The following OPCML variants were observed in gnomAD, a reference collection of about 807,000 sequenced individuals.
The protein encoded by OPCML is opioid binding protein/cell adhesion molecule like.
A neutral mutation model predicts 37.8 loss-of-function variants in OPCML; 13 were observed. The ratio of observed to expected loss-of-function variants is 0.34; its 90% confidence interval spans 0.22 to 0.55. The LOEUF (loss-of-function observed/expected upper bound fraction) is 0.55, where lower values mean the gene tolerates loss of function less well. Ranked by LOEUF, OPCML falls within the 20% of genes least tolerant of loss-of-function variation. The pLI is 0.91. For synonymous variants in OPCML, 176 were observed against 168.8 expected, an observed-to-expected ratio of 1.04 and a Z score of -0.33; for missense variants, 341 against 435.6, an observed-to-expected ratio of 0.78 and a Z score of 1.93.
chr11:133,158,823 A>G (rs1018321205), intron 1 of OPCML, among the ~76,000 whole-genome samples: 1 of 152,190 alleles, frequency 6.6e-6, no homozygotes, highest in Non-Finnish European at 1.5e-5. Flanking sequence ...GAAATCCTGA[A>G]GAACCCCTCT....
chr11:133,141,219 A>G (rs984733991), intron 1 of OPCML, among the ~76,000 whole-genome samples: 3 of 151,932 alleles, frequency 2.0e-5, no homozygotes, highest in Non-Finnish European at 4.4e-5. Context: ...CGTGGTCTCC[A>G]TTCCAAGCCG....
Position 133,212,669 on chromosome 11 carries a change from C to T in OPCML, c.62-269659G>A, listed in dbSNP as rs1402120696. Among the ~76,000 whole-genome samples, 1 of 152,192 alleles carries T rather than the reference C, an allele frequency of 6.6e-6. No individual in the cohort carries two copies. The highest frequency in any genetic ancestry group is 1.9e-4 in the East Asian group (1 of 5,196). On this transcript the variant is annotated intron_variant, in intron 1 of 7. Transcript: ENST00000524381. The surrounding 1 kb of genome is among the most constrained non-coding windows in gnomAD (Gnocchi z 4.9). ...TTCTCACTGTGACTGTTGTTATTGT[C>T]TGTCCTCTGCTAGAACAGAGGCTCC...
intron 3 of OPCML, among the ~76,000 whole-genome samples, chr11:132,559,519 G>A (rs1050508819): frequency 6.6e-6 from 1 of 152,100 alleles, no homozygotes; most frequent in African/African-American, 2.4e-5. Flanking sequence ...TGCCGCTGGG[G>A]GGCATTCTGC....
intron 1 of OPCML, among the ~76,000 whole-genome samples, chr11:133,296,604 T>C (rs1366096801): frequency 6.6e-6 from 1 of 152,222 alleles, no homozygotes. Flanking sequence ...TTTGTTTTCC[T>C]GATGTCTTAT....
At chr11:132,926,176 C>T (rs778032078) in intron 2 of OPCML, among the ~76,000 whole-genome samples, 1 of 152,168 alleles carries the variant, frequency 6.6e-6, no homozygotes, top group Non-Finnish European at 1.5e-5. Context: ...GCACTCATCA[C>T]TGTGTAACAT....
chr11:133,518,227 G>C (rs116720407), intron 1 of OPCML, among the ~76,000 whole-genome samples: 2,707 of 151,906 alleles, frequency 0.018, 82 homozygotes, highest in African/African-American at 0.062. Context: ...GTGTGGGGGG[G>C]TGTGTTTGTG....
chr11:133,489,924 T>C (rs1435884855), intron 1 of OPCML, among the ~76,000 whole-genome samples: 2 of 151,846 alleles, frequency 1.3e-5, no homozygotes, highest in Non-Finnish European at 2.9e-5. Context: ...ACATCCTACA[T>C]GCACACATGC....
intron 1 of OPCML, among the ~76,000 whole-genome samples, chr11:133,044,494 TA>T (rs1947969633): frequency 6.6e-6 from 1 of 152,026 alleles, no homozygotes; most frequent in Non-Finnish European, 1.5e-5. Context: ...CACCAGTCTT[TA>T]AAAGCTCATC....
intron 1 of OPCML, among the ~76,000 whole-genome samples, chr11:133,169,725 G>A (rs1203500523): frequency 6.6e-6 from 1 of 152,176 alleles, no homozygotes; most frequent in Non-Finnish European, 1.5e-5. Flanking sequence ...TTATCCCCAA[G>A]GGAGTCTGAG....
At chr11:132,890,927 T>G (rs2136460505) in intron 2 of OPCML, among the ~76,000 whole-genome samples, 1 of 149,352 alleles carries the variant, frequency 6.7e-6, no homozygotes, top group East Asian at 2.0e-4. Context: ...AGAAACAAAG[T>G]CAGAGCTTGA....
chr11:132,670,294 G>A (rs951714222), intron 2 of OPCML, among the ~76,000 whole-genome samples: 1 of 152,154 alleles, frequency 6.6e-6, no homozygotes, highest in Non-Finnish European at 1.5e-5. Flanking sequence ...TATCGTGGGA[G>A]CAAAGACTTC....
At chr11:133,217,568 G>A (rs1455164569) in intron 1 of OPCML, among the ~76,000 whole-genome samples, 3 of 152,210 alleles carry the variant, frequency 2.0e-5, no homozygotes, top group Non-Finnish European at 2.9e-5. Flanking sequence ...GAGAGCCCAT[G>A]GAGGTGGGTA....
chr11:133,369,859 A>G (rs542066401), intron 1 of OPCML, among the ~76,000 whole-genome samples: 1 of 152,304 alleles, frequency 6.6e-6, no homozygotes, highest in East Asian at 1.9e-4. Flanking sequence ...CTTACTGGAA[A>G]TGCTTGGGAC....
intron 2 of OPCML, among the ~76,000 whole-genome samples, chr11:132,848,021 T>G (rs1309034990): frequency 6.6e-6 from 1 of 152,136 alleles, no homozygotes; most frequent in Non-Finnish European, 1.5e-5. Flanking sequence ...CCTGTGGACA[T>G]GGACAGTGAA....
At chr11:132,892,535 G>A (rs997522141) in intron 2 of OPCML, among the ~76,000 whole-genome samples, 3 of 152,300 alleles carry the variant, frequency 2.0e-5, no homozygotes, top group South Asian at 2.1e-4. Flanking sequence ...TTGGGAGGCC[G>A]AGGCGGGTGG....
At chr11:133,495,807 G>A (rs1321937109) in intron 1 of OPCML, among the ~76,000 whole-genome samples, 1 of 151,754 alleles carries the variant, frequency 6.6e-6, no homozygotes, top group East Asian at 1.9e-4. Context: ...TTAGTCCTTT[G>A]TAAGATGTAT....
chr11:132,749,359 T>C (rs1003782756), intron 2 of OPCML, among the ~76,000 whole-genome samples: 1 of 152,180 alleles, frequency 6.6e-6, no homozygotes, highest in Non-Finnish European at 1.5e-5. Context: ...ACTAGGAATT[T>C]TGGCCTAAGC....
In OPCML at chr11:132,436,240, G is replaced by A. The variant is rs1381017964; in HGVS notation, c.765-3C>T. On this transcript the variant is annotated splice_region_variant and splice_polypyrimidine_tract_variant and intron_variant, in intron 6 of 7. Transcript: ENST00000524381. ...TTCCATCCAGACCAGTGGCTAACCT[G>A]CAAGAGGGAAGACATTGCTATCAAT... is the stretch of plus-strand genomic sequence containing the variant. The A allele has an allele frequency of 6.2e-7, 1 of 1,614,166 alleles. No homozygotes were observed. The highest frequency in any genetic ancestry group is 1.3e-5 in the African/African-American group (1 of 75,058).
At chr11:132,969,034 G>A (rs954873014) in intron 1 of OPCML, among the ~76,000 whole-genome samples, 9 of 151,938 alleles carry the variant, frequency 5.9e-5, no homozygotes, top group African/African-American at 2.2e-4. Context: ...TTGGAAACAG[G>A]TGGTATCTGG....
Sources: gnomAD v4.1 joint callset for allele counts (sites outside exome capture counted in the v4.1 genomes callset) on GRCh38, gnomAD v4.1.1 for gene constraint, Gnocchi (gnomAD v3.1) non-coding constraint, MANE v1.5 for transcripts, NCBI Gene and HGNC (gene_info 2026-07-23, HGNC 2026-07-21) for gene names.